Variants in SFT2D2 observed in about 807,000 individuals in gnomAD.
SFT2D2 encodes vesicle transport protein SFT2B.
Under a neutral mutation model 27.4 loss-of-function variants are expected in SFT2D2, and 21 were observed. The observed-to-expected ratio is 0.77, with a 90% CI of 0.54 to 1.10. SFT2D2 has a LOEUF of 1.10. Among genes scored for constraint, SFT2D2 ranks in the 50% least tolerant of loss-of-function variants. The pLI is 0.00. For synonymous variants in SFT2D2, 72 were observed against 71.7 expected, an observed-to-expected ratio of 1.00 and a Z score of -0.02; for missense variants, 187 against 194.2, an observed-to-expected ratio of 0.96 and a Z score of 0.22.
chr1:168,226,930 C>T (rs1700467853), intron 1 of SFT2D2, among the ~76,000 whole-genome samples: 1 of 152,110 alleles, frequency 6.6e-6, no homozygotes, highest in Non-Finnish European at 1.5e-5. Context: ...AGCGATTCTC[C>T]CACCTCAGCC....
At chr1:168,241,797 G>A (rs1044626584) in intron 7 of SFT2D2, among the ~76,000 whole-genome samples, 9 of 152,120 alleles carry the variant, frequency 5.9e-5, no homozygotes, top group African/African-American at 2.2e-4. Context: ...TTAAAATGCA[G>A]TGCCTACTCA....
At chr1:168,230,781 A>G (rs1647246761) in intron 1 of SFT2D2, among the ~76,000 whole-genome samples, 2 of 152,036 alleles carry the variant, frequency 1.3e-5, no homozygotes, top group African/African-American at 4.8e-5. Flanking sequence ...GGCTGTTGTC[A>G]TTTTTGACAT....
chr1:168,242,472 C>T (rs771103564), intron 7 of SFT2D2, 29 bp from the exon 8 acceptor site: 4 of 1,613,686 alleles, frequency 2.5e-6, no homozygotes, highest in Non-Finnish European at 3.4e-6. Flanking sequence ...GATGACGTTC[C>T]ACTCATCTTT....
chr1:168,242,164 T>G (rs1280742851), intron 7 of SFT2D2, among the ~76,000 whole-genome samples: 1 of 152,222 alleles, frequency 6.6e-6, no homozygotes, highest in Non-Finnish European at 1.5e-5. Flanking sequence ...TCTGTGATTT[T>G]GACCGATATT....
chr1:168,241,305 T>C (rs2102333537), intron 7 of SFT2D2, among the ~76,000 whole-genome samples: 1 of 149,054 alleles, frequency 6.7e-6, no homozygotes, highest in African/African-American at 2.5e-5. Context: ...ACCTCCTGGC[T>C]TCAAGCTGTT....
rs1461308268 is a variant in SFT2D2, at chr1:168,236,707, T to C, written c.355-5T>C. 6 of 1,614,102 alleles carry C rather than the reference T, an allele frequency of 3.7e-6. No individual in the cohort carries two copies. On this transcript the variant is annotated splice_polypyrimidine_tract_variant and splice_region_variant and intron_variant, in intron 5 of 7. Coordinates refer to ENST00000271375, the MANE Select transcript of SFT2D2 (RefSeq NM_199344.3). The stretch of plus-strand genomic sequence containing the variant: ...TCTCCTATAACCATATTATTATTTT[T>C]CCAGTGGCATAACAAGGGACTTGCA...
chr1:168,235,859 T>A (rs1647478616), intron 4 of SFT2D2, among the ~76,000 whole-genome samples: 3 of 152,250 alleles, frequency 2.0e-5, no homozygotes, highest in African/African-American at 7.2e-5. Context: ...ACTTTTATTT[T>A]TAGTTTCATT....
chr1:168,240,598 A>C (rs2102333143), intron 7 of SFT2D2, among the ~76,000 whole-genome samples: 1 of 152,184 alleles, frequency 6.6e-6, no homozygotes, highest in East Asian at 1.9e-4. Context: ...GCCCAGTGCA[A>C]AATAAAAATG....
At chr1:168,241,880 G>A (rs1490131370) in intron 7 of SFT2D2, among the ~76,000 whole-genome samples, 1 of 152,152 alleles carries the variant, frequency 6.6e-6, no homozygotes, top group Non-Finnish European at 1.5e-5. Flanking sequence ...AGTTGAGAAC[G>A]TGGAACAGAG....
intron 1 of SFT2D2, among the ~76,000 whole-genome samples, chr1:168,226,507 A>G (rs1700460834): frequency 6.6e-6 from 1 of 152,044 alleles, no homozygotes; most frequent in African/African-American, 2.4e-5. Flanking sequence ...TCCAGGCGGA[A>G]GGAGCCTTTG....
rs1311554242 is a variant in SFT2D2, at chr1:168,246,317, C to CTG, written c.*3779_*3780dup. On this transcript the variant is annotated 3_prime_UTR_variant, in exon 8 of 8. Transcript: ENST00000271375. Reference sequence around the variant, plus strand: ...CTTTGTTGTGAACATCATCCAGTTGCTGTTGAAGCAACATATTTTGTCTTC... The same window carrying CTG: ...CTTTGTTGTGAACATCATCCAGTTGCTGTGTTGAAGCAACATATTTTGTCTTC... The CTG allele has an allele frequency of 2.3e-6, 1 of 435,200 alleles. No homozygotes were observed. Among genetic ancestry groups the CTG allele is most frequent in the Non-Finnish European group, 4.2e-6 (1 of 236,068 alleles). The allele number at this position is 435,200 out of a possible 1,614,324, so 27.0% of individuals were successfully genotyped here. A position where few individuals can be genotyped will look rare whatever the true frequency, so the allele number is the denominator to read the frequency against.
Position 168,244,228 on chromosome 1 carries a change from A to G in SFT2D2, c.*1688A>G. The G allele has an allele frequency of 6.8e-6, 1 of 147,630 alleles. No homozygotes were observed. Among genetic ancestry groups the G allele is most frequent in the East Asian group, 2.0e-4 (1 of 4,972 alleles). 9.1% of individuals were successfully genotyped at this position (147,630 alleles called of 1,614,324 possible). A position where few individuals can be genotyped will look rare whatever the true frequency, so the allele number is the denominator to read the frequency against. On this transcript the variant is annotated 3_prime_UTR_variant, in exon 8 of 8. Coordinates refer to ENST00000271375, the MANE Select transcript of SFT2D2 (RefSeq NM_199344.3). ...AGTCTCACTCCGTCGCCCAGGCTGG[A>G]GTGCAGTGGCGTGATCTCTGCTCAC...
chr1:168,235,256 A>C, intron 4 of SFT2D2, 74 bp downstream of exon 4: 1 of 1,385,750 alleles, frequency 7.2e-7, no homozygotes, highest in Non-Finnish European at 1.0e-6. Context: ...TTTTCTTTTT[A>C]AATCTAAAGA....
chr1:168,246,102 T>C lies in SFT2D2; in HGVS notation c.*3562T>C. On this transcript the variant is annotated 3_prime_UTR_variant, in exon 8 of 8. Coordinates refer to ENST00000271375, the MANE Select transcript of SFT2D2 (RefSeq NM_199344.3). ...TCACCCTGTTTTTGTTGAAGTTGTCTCACAACTACTTCTCTTTCTGCTTTC... is the reference window on the plus strand; with the variant it reads ...TCACCCTGTTTTTGTTGAAGTTGTCCCACAACTACTTCTCTTTCTGCTTTC... The C allele has an allele frequency of 4.3e-6, 1 of 234,282 alleles. No homozygotes were observed. The highest frequency in any genetic ancestry group is 5.0e-5 in the South Asian group (1 of 20,046). 14.5% of individuals were successfully genotyped at this position (234,282 alleles called of 1,614,324 possible).
At chr1:168,233,000 C>T (rs758351901) in intron 3 of SFT2D2, among the ~76,000 whole-genome samples, 3 of 152,134 alleles carry the variant, frequency 2.0e-5, no homozygotes, top group Non-Finnish European at 4.4e-5. Context: ...GCTGTAGAGC[C>T]ATTCGTTTAT....
chr1:168,242,842 G>A lies in SFT2D2; in HGVS notation c.*302G>A. 2 of 392,092 alleles carry A rather than the reference G, an allele frequency of 5.1e-6. No individual in the cohort carries two copies. Among genetic ancestry groups the A allele is most frequent in the Middle Eastern group, 8.2e-4 (1 of 1,216 alleles). 24.3% of individuals were successfully genotyped at this position (392,092 alleles called of 1,614,324 possible). On this transcript the variant is annotated 3_prime_UTR_variant, in exon 8 of 8. Transcript: ENST00000271375. ...ATTCCCATGAATACAAACCTATTCA[G>A]CAACAGCACATAAGCCTTGGGTGCA...
intron 6 of SFT2D2, among the ~76,000 whole-genome samples, chr1:168,237,098 A>G (rs1436654411): frequency 1.3e-5 from 2 of 152,210 alleles, no homozygotes; most frequent in Non-Finnish European, 2.9e-5. Flanking sequence ...AAGGACAACA[A>G]AAGTATTATA....
chr1:168,245,637 A>T lies in SFT2D2; in HGVS notation c.*3097A>T, dbSNP rs1558179739. ...ACATGGCATGCAGATGATCTAGAAG[A>T]TCCACAGTAACTCTCCTGCTGTGCA... On this transcript the variant is annotated 3_prime_UTR_variant, in exon 8 of 8. Coordinates refer to ENST00000271375, the MANE Select transcript of SFT2D2 (RefSeq NM_199344.3). 2 of 149,800 alleles carry T rather than the reference A, an allele frequency of 1.3e-5. No individual in the cohort carries two copies. Among genetic ancestry groups the T allele is most frequent in the South Asian group, 4.2e-4 (2 of 4,722 alleles). The allele number at this position is 149,800 out of a possible 1,614,324, so 9.3% of individuals were successfully genotyped here.
rs994278433 is a variant in SFT2D2, at chr1:168,249,308, T to C, written c.*6768T>C. 4 of 152,326 alleles carry C rather than the reference T, an allele frequency of 2.6e-5. No homozygotes were observed. Among genetic ancestry groups the C allele is most frequent in the Non-Finnish European group, 5.9e-5 (4 of 68,116 alleles). 9.4% of individuals were successfully genotyped at this position (152,326 alleles called of 1,614,324 possible). Reference sequence around the variant, plus strand: ...TAGAGTGCGGTGGCATGATCTCAGCTCACTGCAACCTCTGCCTTCTGGGTT... The same window carrying C: ...TAGAGTGCGGTGGCATGATCTCAGCCCACTGCAACCTCTGCCTTCTGGGTT... On this transcript the variant is annotated 3_prime_UTR_variant, in exon 8 of 8. Transcript: ENST00000271375.
Sources: allele counts gnomAD v4.1 joint callset (sites outside exome capture counted in the v4.1 genomes callset), GRCh38; gene constraint gnomAD v4.1.1; transcripts MANE v1.5; gene names NCBI Gene and HGNC (gene_info 2026-07-23, HGNC 2026-07-21).